DYM: variants seen among roughly 807,000 people sequenced by gnomAD.
DYM encodes dyggve-Melchior-Clausen syndrome protein.
Under a neutral mutation model 93.1 loss-of-function variants are expected in DYM, and 78 were observed. The observed-to-expected ratio is 0.84, with a 90% CI of 0.70 to 1.01. The LOEUF (loss-of-function observed/expected upper bound fraction) is 1.01. Ranked by LOEUF, DYM falls within the 50% of genes least tolerant of loss-of-function variation. DYM has a pLI of 0.00. For missense variants in DYM, 789 were observed against 845.0 expected, an observed-to-expected ratio of 0.93 and a Z score of 0.82; for synonymous variants, 321 against 319.7, an observed-to-expected ratio of 1.00 and a Z score of -0.04.
intron 15 of DYM, among the ~76,000 whole-genome samples, chr18:49,151,597 C>A (rs551996561): frequency 5.4e-4 from 82 of 152,248 alleles, no homozygotes; most frequent in African/African-American, 1.9e-3. Flanking sequence ...TAAAGGACCC[C>A]AACAGAAATC....
At chr18:49,416,726 T>C (rs2073032306) in intron 2 of DYM, among the ~76,000 whole-genome samples, 1 of 152,158 alleles carries the variant, frequency 6.6e-6, no homozygotes, top group African/African-American at 2.4e-5. Context: ...CTAGTTTTTC[T>C]TCCTGCACTT....
At chr18:49,086,788 G>C (rs982422586) in intron 17 of DYM, among the ~76,000 whole-genome samples, 7 of 151,990 alleles carry the variant, frequency 4.6e-5, no homozygotes, top group African/African-American at 1.7e-4. Flanking sequence ...AGGAGTTCGA[G>C]ATCAGCCTGG....
At chr18:49,318,778 G>A (rs976836157) in intron 8 of DYM, among the ~76,000 whole-genome samples, 2 of 151,120 alleles carry the variant, frequency 1.3e-5, no homozygotes, top group Admixed American at 6.6e-5. Flanking sequence ...TATATGAACA[G>A]GTAACATTAT....
At chr18:49,163,642 C>G in intron 15 of DYM, 43 bp downstream of exon 15, 4 of 1,423,178 alleles carry the variant, frequency 2.8e-6, no homozygotes, top group South Asian at 1.2e-5. Flanking sequence ...CTGTGCCTGG[C>G]TGAAAGGAAA....
At chr18:49,400,335 G>A (rs1381733278) in intron 2 of DYM, among the ~76,000 whole-genome samples, 5 of 152,100 alleles carry the variant, frequency 3.3e-5, no homozygotes, top group African/African-American at 4.8e-5. Context: ...CCACTGTGGT[G>A]AGCCAGCCAG....
chr18:49,275,735 A>G (rs75732886), intron 10 of DYM, among the ~76,000 whole-genome samples: 12,234 of 152,058 alleles, frequency 0.08, 771 homozygotes, highest in East Asian at 0.31. Flanking sequence ...TTATGTTGCA[A>G]TCAATGAATA....
At chr18:49,412,236 TA>T (rs67065136) in intron 2 of DYM, among the ~76,000 whole-genome samples, 4,219 of 135,064 alleles carry the variant, frequency 0.031, 146 homozygotes, top group African/African-American at 0.089. Flanking sequence ...AACATTGACT[TA>T]AAAAAAAAAA....
chr18:49,370,621 C>A (rs978275340), intron 5 of DYM, among the ~76,000 whole-genome samples: 4 of 152,042 alleles, frequency 2.6e-5, no homozygotes, highest in Non-Finnish European at 5.9e-5. Flanking sequence ...TAAAAATCAG[C>A]TGGACATGGT....
At chr18:49,160,576 C>CA (rs34811276) in intron 15 of DYM, among the ~76,000 whole-genome samples, 128,518 of 135,566 alleles carry the variant, frequency 0.95, 61,050 homozygotes, top group Non-Finnish European at 0.99. Context: ...GACTCTGTCT[C>CA]AAAAAAAAAA....
intron 8 of DYM, among the ~76,000 whole-genome samples, chr18:49,309,250 C>G (rs1246159166): frequency 1.3e-5 from 2 of 152,116 alleles, no homozygotes. Flanking sequence ...AAGTAGAAGG[C>G]TGCAGATTTA....
chr18:49,052,262 G>A (rs1040958086), intron 17 of DYM, among the ~76,000 whole-genome samples: 1 of 152,162 alleles, frequency 6.6e-6, no homozygotes, highest in Non-Finnish European at 1.5e-5. Context: ...GGGTAGGCCC[G>A]AGCTGAATTT....
At chr18:49,302,739 A>G (rs1396265060) in intron 8 of DYM, among the ~76,000 whole-genome samples, 1 of 151,710 alleles carries the variant, frequency 6.6e-6, no homozygotes, top group Non-Finnish European at 1.5e-5. Flanking sequence ...TTTTACCCAT[A>G]AAGAATTAAA....
intron 15 of DYM, among the ~76,000 whole-genome samples, chr18:49,149,882 T>A (rs969054721): frequency 7.2e-5 from 11 of 151,774 alleles, no homozygotes; most frequent in African/African-American, 2.7e-4. Context: ...AATTTTTGTA[T>A]TTTTTTAGTA....
chr18:49,231,075 A>C (rs1008898437), intron 13 of DYM, among the ~76,000 whole-genome samples: 1 of 152,378 alleles, frequency 6.6e-6, no homozygotes, highest in Admixed American at 6.5e-5. Flanking sequence ...ATATTAGCTT[A>C]GACTACTACA....
At chr18:49,457,478 A>G (rs777374604) in intron 1 of DYM, among the ~76,000 whole-genome samples, 1 of 152,236 alleles carries the variant, frequency 6.6e-6, no homozygotes, top group African/African-American at 2.4e-5. Context: ...AGCCTATACT[A>G]CAAGTGTCAC....
chr18:49,199,811 T>C (rs1307317844), intron 14 of DYM, among the ~76,000 whole-genome samples: 4 of 152,220 alleles, frequency 2.6e-5, no homozygotes, highest in Admixed American at 2.6e-4. Context: ...AGACTGAAGA[T>C]GCAATCCTTT....
intron 8 of DYM, among the ~76,000 whole-genome samples, chr18:49,300,368 G>A (rs1166214809): frequency 6.6e-6 from 1 of 152,040 alleles, no homozygotes; most frequent in East Asian, 1.9e-4. Context: ...GGGAGGCTGA[G>A]GTGGGCCGGT....
chr18:49,219,450 C>G (rs898833644), intron 13 of DYM, among the ~76,000 whole-genome samples: 13 of 151,932 alleles, frequency 8.6e-5, no homozygotes, highest in African/African-American at 1.9e-4. Context: ...AGAGACACAA[C>G]CAAAAAAGAG....
rs1311153465 is a variant in DYM at position 49,039,304 on chromosome 18, TC to T, written c.*4750del. Among the ~76,000 whole-genome samples, 2 of 152,182 alleles carry T rather than the reference TC, an allele frequency of 1.3e-5. No homozygotes were observed. The highest frequency in any genetic ancestry group is 4.8e-5 in the African/African-American group (2 of 41,430). On this transcript the variant is annotated 3_prime_UTR_variant, in exon 18 of 18. Coordinates refer to ENST00000675505, the MANE Select transcript of DYM (RefSeq NM_001353214.3). ...ATTATTGCTCCTTTAATGGTTATAT[TC>T]CCTCTCCCACCCCAGCAGGTCTAAA... is the stretch of plus-strand genomic sequence containing the variant.
Sources: gnomAD v4.1 joint callset for allele counts (sites outside exome capture counted in the v4.1 genomes callset) on GRCh38, gnomAD v4.1.1 for gene constraint, MANE v1.5 for transcripts, NCBI Gene and HGNC (gene_info 2026-07-23, HGNC 2026-07-21) for gene names.